TSPAN33: variants seen among roughly 807,000 people sequenced by gnomAD.
TSPAN33 encodes tetraspanin 33.
TSPAN33 carries 27 observed loss-of-function variants against 34.8 expected under a neutral mutation model. That is an observed-to-expected ratio of 0.78 (90% CI 0.57 to 1.07). The LOEUF is 1.07. Ranked by LOEUF, TSPAN33 falls within the 50% of genes least tolerant of loss-of-function variation. The pLI is 0.00. For synonymous variants in TSPAN33, 119 were observed against 124.2 expected (o/e 0.96, Z 0.28); for missense variants, 272 against 324.9 (o/e 0.84, Z 1.25).
intron 1 of TSPAN33, among the ~76,000 whole-genome samples, chr7:129,145,718 T>G (rs1370799070): frequency 6.6e-6 from 1 of 151,796 alleles, no homozygotes; most frequent in Non-Finnish European, 1.5e-5. Context: ...CAGGACCCCG[T>G]GTTGGGCCGG....
intron 1 of TSPAN33, among the ~76,000 whole-genome samples, chr7:129,160,361 ACT>A (rs1309110831): frequency 6.6e-6 from 1 of 150,458 alleles, no homozygotes; most frequent in Non-Finnish European, 1.5e-5. Context: ...GCTGCTGAGA[ACT>A]CTCTCCTGCC....
rs1345236601 is a variant in TSPAN33, at chr7:129,144,720, T to G, written c.-261T>G. On this transcript the variant is annotated 5_prime_UTR_variant, in exon 1 of 8. Coordinates refer to ENST00000486685, the MANE Select transcript of TSPAN33 (RefSeq NM_178562.5). ...GGGCCGGGTTTCCTGGGCGCCTGGC[T>G]GGCCGGGCTGGTCCTGCGGCCGCGG... Among the ~76,000 whole-genome samples, 10 of 81,778 alleles carry G rather than the reference T, an allele frequency of 1.2e-4. No homozygotes were observed. The highest frequency in any genetic ancestry group is 4.4e-4 in the South Asian group (1 of 2,254). 53.6% of individuals were successfully genotyped at this position (81,778 alleles called of 152,430 possible).
chr7:129,147,862 A>G (rs1228969701), intron 1 of TSPAN33, among the ~76,000 whole-genome samples: 1 of 152,134 alleles, frequency 6.6e-6, no homozygotes, highest in Non-Finnish European at 1.5e-5. Context: ...TGACTCAGAA[A>G]ACTAATGAAT....
At chr7:129,149,513 A>G (rs2150620712) in intron 1 of TSPAN33, among the ~76,000 whole-genome samples, 1 of 152,304 alleles carries the variant, frequency 6.6e-6, no homozygotes, top group South Asian at 2.1e-4. Context: ...AGCCGAGATT[A>G]TTACATTCCA....
intron 1 of TSPAN33, among the ~76,000 whole-genome samples, chr7:129,149,059 C>T (rs1449716139): frequency 2.0e-5 from 3 of 152,286 alleles, no homozygotes; most frequent in East Asian, 1.9e-4. Flanking sequence ...CCTCCACCCC[C>T]GCCGTCTTCC....
intron 1 of TSPAN33, among the ~76,000 whole-genome samples, chr7:129,150,762 G>A (rs1380956148): frequency 1.3e-5 from 2 of 152,230 alleles, no homozygotes; most frequent in East Asian, 1.9e-4. Flanking sequence ...TGCTCCTAGA[G>A]GTCACCTGCT....
chr7:129,163,455 C>T (rs1793085658), intron 4 of TSPAN33, among the ~76,000 whole-genome samples: 1 of 150,758 alleles, frequency 6.6e-6, no homozygotes, highest in Non-Finnish European at 1.5e-5. Context: ...TCCTAAGTCT[C>T]TGGGATTACA....
chr7:129,154,535 A>G (rs1264217763), intron 1 of TSPAN33, among the ~76,000 whole-genome samples: 9 of 152,174 alleles, frequency 5.9e-5, no homozygotes, highest in Non-Finnish European at 1.2e-4. Flanking sequence ...TGAGGTCAGG[A>G]GTTTGAAACC....
Position 129,148,642 on chromosome 7 carries a change from G to A in TSPAN33, c.102+3560G>A, listed in dbSNP as rs1810551872. ...TGTTCTCCTCTGTGGTGGGTCTGGC[G>A]GCCTGGCAACCCTCCACTTAAGCCA... On this transcript the variant is annotated intron_variant, in intron 1 of 7. Coordinates refer to ENST00000486685, the MANE Select transcript of TSPAN33 (RefSeq NM_178562.5). The surrounding 1 kb of genome is among the most constrained non-coding windows in gnomAD (Gnocchi z 4.2). Among the ~76,000 whole-genome samples, 2 of 152,072 alleles carry A rather than the reference G, an allele frequency of 1.3e-5. No individual in the cohort carries two copies. The highest frequency in any genetic ancestry group is 1.9e-4 in the East Asian group (1 of 5,190).
rs1197205531 is a variant in TSPAN33 at position 129,168,070 on chromosome 7, C to T, written c.*196C>T. 3 of 1,076,322 alleles carry T rather than the reference C, an allele frequency of 2.8e-6. No homozygotes were observed. Among genetic ancestry groups the T allele is most frequent in the Non-Finnish European group, 3.9e-6 (3 of 774,794 alleles). 66.7% of individuals were successfully genotyped at this position (1,076,322 alleles called of 1,614,324 possible). A position where few individuals can be genotyped will look rare whatever the true frequency, so the allele number is the denominator to read the frequency against. ...AGTCTCAGGAGGATGCGCCTCCTCT[C>T]CCCCATCCCAGCCCTCAGCATTGTG... On this transcript the variant is annotated 3_prime_UTR_variant, in exon 8 of 8. Coordinates refer to ENST00000486685, the MANE Select transcript of TSPAN33 (RefSeq NM_178562.5).
chr7:129,153,059 C>CAAAAAA (rs35432172), intron 1 of TSPAN33, among the ~76,000 whole-genome samples: 101 of 82,338 alleles, frequency 1.2e-3, no homozygotes, highest in African/African-American at 1.5e-3. Context: ...AACTCCGTCT[C>CAAAAAA]AAAAAAAAAA....
intron 2 of TSPAN33, 61 bp from the exon 3 acceptor site, chr7:129,162,333 C>T: frequency 2.5e-6 from 4 of 1,598,974 alleles, no homozygotes; most frequent in Non-Finnish European, 3.4e-6. Context: ...CACCCTCCCA[C>T]CCCATCCAGG....
At chr7:129,150,424 C>A (rs1810577358) in intron 1 of TSPAN33, among the ~76,000 whole-genome samples, 1 of 152,214 alleles carries the variant, frequency 6.6e-6, no homozygotes, top group Non-Finnish European at 1.5e-5. Flanking sequence ...CCCAAGGGAA[C>A]CACAAGCAGC....
Position 129,165,457 on chromosome 7 carries a change from T to C in TSPAN33, c.459+888T>C, listed in dbSNP as rs1793124117. On this transcript the variant is annotated intron_variant, in intron 5 of 7. Coordinates refer to ENST00000486685, the MANE Select transcript of TSPAN33 (RefSeq NM_178562.5). This position sits in a 1 kb window ranked among gnomAD's most constrained non-coding sequence, Gnocchi z 4.5. ...TCACTTAGCATGTCTTCAAGTTTCA[T>C]CTCTGTTTTGGCATGTGCCACAACT... Among the ~76,000 whole-genome samples, 1 of 152,274 alleles carries C rather than the reference T, an allele frequency of 6.6e-6. No homozygotes were observed. Among genetic ancestry groups the C allele is most frequent in the Non-Finnish European group, 1.5e-5 (1 of 68,050 alleles).
At chr7:129,145,380 C>T (rs1349879499) in intron 1 of TSPAN33, among the ~76,000 whole-genome samples, 8 of 151,892 alleles carry the variant, frequency 5.3e-5, no homozygotes. Context: ...CAAGGCGGAC[C>T]CACTGACACA....
intron 5 of TSPAN33, 162 bp from the exon 6 acceptor site, chr7:129,166,616 G>A: frequency 1.4e-6 from 1 of 723,052 alleles, no homozygotes; most frequent in Non-Finnish European, 2.3e-6. Flanking sequence ...TTCAGGCGAA[G>A]GCAACTGGGA....
At chr7:129,164,786 A>G in intron 5 of TSPAN33, 1 of 478,376 alleles carries the variant, frequency 2.1e-6, no homozygotes, top group Non-Finnish European at 3.8e-6. Flanking sequence ...ATAAATGGTT[A>G]CCTACAGGGG....
In TSPAN33 at chr7:129,167,416, G is replaced by T. The variant is rs201322484; in HGVS notation, c.606G>T (p.Met202Ile). ...TTCCCCAGGCAGTGATCAACACTAT[G>T]TGTGGCCAAGGTATGCAGGCCTTTG... ...PTPDQAVINT[M>I]CGQGMQAFDY... Residue 202 changes from methionine to isoleucine, a missense_variant, in exon 7 of 8, where the codon ATG (methionine) becomes ATT (isoleucine). Met to Ile is a conservative substitution (Grantham distance 10). Coordinates refer to ENST00000486685, the MANE Select transcript of TSPAN33 (RefSeq NM_178562.5). The surrounding 1 kb of genome is among the most constrained non-coding windows in gnomAD (Gnocchi z 4.6). The T allele has an allele frequency of 6.2e-7, 1 of 1,614,002 alleles. No homozygotes were observed. Among genetic ancestry groups the T allele is most frequent in the Non-Finnish European group, 8.5e-7 (1 of 1,179,868 alleles).
chr7:129,146,651 A>G (rs1810524188), intron 1 of TSPAN33, among the ~76,000 whole-genome samples: 1 of 152,182 alleles, frequency 6.6e-6, no homozygotes, highest in African/African-American at 2.4e-5. Context: ...GCTGGAGGTT[A>G]GGGAAAAACA....
Sources: allele counts gnomAD v4.1 joint callset (sites outside exome capture counted in the v4.1 genomes callset), GRCh38; gene constraint gnomAD v4.1.1; non-coding constraint Gnocchi (gnomAD v3.1); transcripts MANE v1.5; gene names NCBI Gene and HGNC (gene_info 2026-07-23, HGNC 2026-07-21).